The following HSPA4 variants were observed in gnomAD, a reference collection of about 807,000 sequenced individuals.
The protein encoded by HSPA4 is heat shock 70 kDa protein 4.
A neutral mutation model predicts 106.2 loss-of-function variants in HSPA4; 25 were observed. That is an observed-to-expected ratio of 0.24 (90% CI 0.17 to 0.33). The LOEUF is 0.33. Among genes scored for constraint, HSPA4 ranks in the 10% least tolerant of loss-of-function variants. The probability of loss-of-function intolerance (pLI) is 1.00; values close to 1 mark genes in which losing one functional copy is unlikely to be tolerated. For synonymous variants in HSPA4, 332 were observed against 333.6 expected (o/e 1.00, Z 0.05); for missense variants, 841 against 996.0 (o/e 0.84, Z 2.10).
At chr5:133,079,542 A>G (rs533122180) in intron 7 of HSPA4, among the ~76,000 whole-genome samples, 2 of 152,254 alleles carry the variant, frequency 1.3e-5, no homozygotes, top group East Asian at 3.9e-4. Context: ...TCGTTTGCTG[A>G]TGGACATTTG....
At chr5:133,089,239 A>G in intron 10 of HSPA4, 78 bp downstream of exon 10, 1 of 804,134 alleles carries the variant, frequency 1.2e-6, no homozygotes, top group Non-Finnish European at 2.0e-6. Flanking sequence ...TTTTCATTTC[A>G]GTTTACATAA....
chr5:133,063,307 CAG>C (rs1365134409), intron 1 of HSPA4, among the ~76,000 whole-genome samples: 1 of 148,616 alleles, frequency 6.7e-6, no homozygotes, highest in Non-Finnish European at 1.5e-5. Context: ...TTTATAGAGA[CAG>C]GGTTTCGCCA....
chr5:133,061,815 G>A (rs990669854), intron 1 of HSPA4, among the ~76,000 whole-genome samples: 4 of 152,042 alleles, frequency 2.6e-5, no homozygotes, highest in African/African-American at 9.7e-5. Context: ...TGTATTTTTA[G>A]TAGAGACAGA....
At chr5:133,096,327 A>T in intron 14 of HSPA4, 77 bp downstream of exon 14, 1 of 1,370,666 alleles carries the variant, frequency 7.3e-7, no homozygotes, top group Non-Finnish European at 1.0e-6. Flanking sequence ...GTGTCTAGTG[A>T]CTTTTTGCAT....
intron 3 of HSPA4, among the ~76,000 whole-genome samples, chr5:133,068,015 A>T (rs574011578): frequency 1.3e-5 from 2 of 149,648 alleles, no homozygotes; most frequent in African/African-American, 4.9e-5. Context: ...GCCTCAGCCT[A>T]CCAAGTAGCT....
At chr5:133,080,008 T>C (rs1029007487) in intron 7 of HSPA4, among the ~76,000 whole-genome samples, 4 of 152,174 alleles carry the variant, frequency 2.6e-5, no homozygotes, top group African/African-American at 9.7e-5. Flanking sequence ...GCAGTAACAA[T>C]CTATTTTCTT....
rs148612058 is a variant in HSPA4, at chr5:133,056,444, G to A, written c.107+4087G>A. ...ATGTGCATACATGCGGCTAATTTTTGTATTTTTAGGTAGACGTGGTTTCGC... is the reference window on the plus strand; with the variant it reads ...ATGTGCATACATGCGGCTAATTTTTATATTTTTAGGTAGACGTGGTTTCGC... On this transcript the variant is annotated intron_variant, in intron 1 of 18. Coordinates refer to ENST00000304858, the MANE Select transcript of HSPA4 (RefSeq NM_002154.4). Among the ~76,000 whole-genome samples, 22 of 152,290 alleles carry A rather than the reference G, an allele frequency of 1.4e-4. 1 individual carries two copies. The East Asian group carries it at 3.9e-3, about 27-fold the overall frequency.
chr5:133,076,065 A>G (rs1765443467), intron 6 of HSPA4: 1 of 152,408 alleles, frequency 6.6e-6, no homozygotes, highest in Non-Finnish European at 1.5e-5. Context: ...TCACTTATTT[A>G]GCCTAACTTC....
chr5:133,064,351 C>G (rs2126696498), intron 1 of HSPA4, among the ~76,000 whole-genome samples: 2 of 152,172 alleles, frequency 1.3e-5, no homozygotes, highest in Middle Eastern at 3.4e-3. Flanking sequence ...ACTAAAAATA[C>G]AAAAATTAGC....
At chr5:133,053,693 C>CT (rs1765120309) in intron 1 of HSPA4, among the ~76,000 whole-genome samples, 1 of 151,086 alleles carries the variant, frequency 6.6e-6, no homozygotes, top group African/African-American at 2.4e-5. Context: ...GAGTCTCGCT[C>CT]TGTCGCCCCA....
At chr5:133,078,361 T>TG (rs2126704999) in intron 7 of HSPA4, among the ~76,000 whole-genome samples, 2 of 150,022 alleles carry the variant, frequency 1.3e-5, no homozygotes, top group East Asian at 4.0e-4. Flanking sequence ...TGTACTGTGA[T>TG]GGGGCATGGT....
chr5:133,077,495 C>A, intron 7 of HSPA4, among the ~76,000 whole-genome samples: 1 of 152,216 alleles, frequency 6.6e-6, no homozygotes, highest in Non-Finnish European at 1.5e-5. Context: ...ACCTCAGCCT[C>A]CCAAAGTATG....
Position 133,076,793 on chromosome 5 carries a change from A to G in HSPA4, c.803A>G (p.Gln268Arg). ...SKIRALLRLS[Q>R]ECEKLKKLMS... The stretch of plus-strand genomic sequence containing the variant: ...ATCCGTGCATTATTACGACTCTCTC[A>G]GGAGTGTGAGAAACTCAAGAAATTG... Residue 268 changes from glutamine (Q) to arginine (R), a missense_variant, in exon 7 of 19, where the codon CAG becomes CGG. Physicochemically the swap from Gln to Arg is conservative, Grantham distance 43. Coordinates refer to ENST00000304858, the MANE Select transcript of HSPA4 (RefSeq NM_002154.4). The G allele has an allele frequency of 6.2e-7, 1 of 1,613,550 alleles. No homozygotes were observed. The highest frequency in any genetic ancestry group is 1.3e-5 in the African/African-American group (1 of 75,044).
At chr5:133,090,452 A>AC (rs1382567858) in intron 11 of HSPA4, among the ~76,000 whole-genome samples, 7 of 151,158 alleles carry the variant, frequency 4.6e-5, no homozygotes, top group Non-Finnish European at 7.4e-5. Flanking sequence ...AAAAAAAAAA[A>AC]AAAGGATGTA....
chr5:133,096,497 T>A (rs1247375528), intron 14 of HSPA4, among the ~76,000 whole-genome samples: 1 of 152,218 alleles, frequency 6.6e-6, no homozygotes, highest in African/African-American at 2.4e-5. Flanking sequence ...ACATATAATG[T>A]CTTTGGTGTA....
In HSPA4 at chr5:133,073,333, A is replaced by G. The variant is rs1164340774; in HGVS notation, c.529+4A>G. The G allele has an allele frequency of 2.6e-6, 4 of 1,567,026 alleles. No homozygotes were observed. The African/African-American group carries it at 5.4e-5, about 21-fold the overall frequency. On this transcript the variant is annotated splice_donor_region_variant and intron_variant, in intron 5 of 18. Coordinates refer to ENST00000304858, the MANE Select transcript of HSPA4 (RefSeq NM_002154.4). ...TTAATGAATGAAACCACTGCAGGTAAGGAGGACCGTTGATTATTTTTTTGA... is the reference window on the plus strand; with the variant it reads ...TTAATGAATGAAACCACTGCAGGTAGGGAGGACCGTTGATTATTTTTTTGA...
At chr5:133,074,160 G>T in intron 6 of HSPA4, 34 bp downstream of exon 6, 1 of 1,434,352 alleles carries the variant, frequency 7.0e-7, no homozygotes, top group South Asian at 1.3e-5. Context: ...AAGACTGTTA[G>T]TAGTATGGTA....
intron 6 of HSPA4, among the ~76,000 whole-genome samples, chr5:133,076,370 A>C (rs1208285931): frequency 6.6e-6 from 1 of 152,200 alleles, no homozygotes; most frequent in Non-Finnish European, 1.5e-5. Context: ...TTTGGAATTA[A>C]GGAGATTTGG....
chr5:133,066,675 ATT>A (rs60693159), intron 2 of HSPA4, among the ~76,000 whole-genome samples: 11 of 136,008 alleles, frequency 8.1e-5, no homozygotes, highest in African/African-American at 3.0e-4. Context: ...ACTTAGTATG[ATT>A]TTTTTTTTCC....
Sources: allele counts gnomAD v4.1 joint callset (sites outside exome capture counted in the v4.1 genomes callset), GRCh38; gene constraint gnomAD v4.1.1; transcripts MANE v1.5; gene names NCBI Gene and HGNC (gene_info 2026-07-23, HGNC 2026-07-21).